Variants in LTBR observed in about 807,000 individuals in gnomAD.
The protein encoded by LTBR is lymphotoxin beta receptor, also known as tumor necrosis factor receptor superfamily member 3.
LTBR carries 15 observed loss-of-function variants against 45.4 expected under a neutral mutation model. That is an observed-to-expected ratio of 0.33 (90% confidence interval 0.22 to 0.51). The LOEUF is 0.51. Ranked by LOEUF, LTBR falls within the 20% of genes least tolerant of loss-of-function variation. The pLI is 0.97. For missense variants in LTBR, 450 were observed against 565.5 expected (o/e 0.80, Z 2.07); for synonymous variants, 228 against 231.0 (o/e 0.99, Z 0.12).
At position 6,375,869 on chromosome 12, in the gene LTBR, G is replaced by A. The variant is rs2071244; in HGVS notation, c.39+275G>A. ...GCTGAGAGGGCCTGGGTGGGGAACC[G>A]GGAGGACAGGAGGGCAGAAAGAGGG... is the stretch of plus-strand genomic sequence containing the variant. On this transcript the variant is annotated intron_variant, in intron 1 of 9. Transcript: ENST00000539925. 1.2e-5 allele frequency: 16 copies of A among 1,293,594 alleles called. 1 individual carries two copies. The highest frequency in any genetic ancestry group is 5.7e-4 in the Middle Eastern group (2 of 3,490). The allele number at this position is 1,293,594 out of a possible 1,614,324, so 80.1% of individuals were successfully genotyped here.
chr12:6,386,360 G>A lies in LTBR; in HGVS notation c.583G>A (p.Gly195Ser). The change falls in exon 6 of 10, where the codon GGT (glycine) becomes AGT (serine). Residue 195 changes from glycine to serine, a missense_variant. Gly to Ser is a moderately conservative substitution (Grantham distance 56). Transcript: ENST00000228918. The surrounding 1 kb of genome is among the most constrained non-coding windows in gnomAD (Gnocchi z 4.1). ...CQPHTRCENQGLVEAAPGTAQ... is the reference protein window; with the variant it reads ...CQPHTRCENQSLVEAAPGTAQ... ...TTTCCTCTGCAGGTGTGAGAACCAA[G>A]GTCTGGTGGAGGCAGCTCCAGGCAC... 1 of 1,613,932 alleles carries A rather than the reference G, an allele frequency of 6.2e-7. No homozygotes were observed. Among genetic ancestry groups the A allele is most frequent in the Non-Finnish European group, 8.5e-7 (1 of 1,179,946 alleles).
intron 4 of LTBR, chr12:6,385,865 A>T (rs1233893434): frequency 2.1e-6 from 1 of 471,420 alleles, no homozygotes; most frequent in Non-Finnish European, 3.7e-6. Context: ...AGATCGCGCC[A>T]CTGCACTCCA....
upstream of LTBR, among the ~76,000 whole-genome samples, chr12:6,381,765 G>A (rs1197101794): frequency 6.6e-6 from 1 of 152,198 alleles, no homozygotes; most frequent in Non-Finnish European, 1.5e-5. Flanking sequence ...ACAACATCAG[G>A]AGTTCAAGAC....
At chr12:6,376,171 G>A (rs976655282) in intron 1 of LTBR, 2 of 985,558 alleles carry the variant, frequency 2.0e-6, no homozygotes, top group Non-Finnish European at 1.2e-6. Context: ...TCTCCTCCCC[G>A]CTCACTAAGT....
upstream of LTBR, among the ~76,000 whole-genome samples, chr12:6,382,751 G>C (rs550665649): frequency 5.2e-4 from 79 of 152,326 alleles, no homozygotes; most frequent in African/African-American, 1.8e-3. Flanking sequence ...CCAGACATCA[G>C]ACCTGAAGTT....
chr12:6,381,375 C>T (rs576603854), upstream of LTBR, among the ~76,000 whole-genome samples: 1 of 152,288 alleles, frequency 6.6e-6, no homozygotes, highest in Non-Finnish European at 1.5e-5. Context: ...AGAGAAATAG[C>T]CTGGCTGCTT....
At chr12:6,380,416 C>T (rs1036344933), upstream of LTBR, among the ~76,000 whole-genome samples, 3 of 152,136 alleles carry the variant, frequency 2.0e-5, no homozygotes, top group African/African-American at 2.4e-5. Context: ...TACAGTGGCT[C>T]GTGCCTGTAA....
At chr12:6,381,803 T>C (rs967786940), upstream of LTBR, among the ~76,000 whole-genome samples, 157 of 152,098 alleles carry the variant, frequency 1.0e-3, 1 homozygote, top group African/African-American at 3.6e-3. Flanking sequence ...CGAAACCCCA[T>C]CTCTACTAAA....
chr12:6,386,007 G>T lies in LTBR; in HGVS notation c.473-59G>T. On this transcript the variant is annotated intron_variant, in intron 4 of 9. Transcript: ENST00000228918. The surrounding 1 kb of genome is among the most constrained non-coding windows in gnomAD (Gnocchi z 4.1). The stretch of plus-strand genomic sequence containing the variant: ...GAGGCTTAAAGGAAACTCACAGGCC[G>T]GCAAAGGGCCCCTCCCTTTTGCCCA... 4 of 1,228,536 alleles carry T rather than the reference G, an allele frequency of 3.3e-6. No individual in the cohort carries two copies. Among genetic ancestry groups the T allele is most frequent in the East Asian group, 2.3e-5 (1 of 42,904 alleles). 76.1% of individuals were successfully genotyped at this position (1,228,536 alleles called of 1,614,324 possible).
rs563823146 is a variant in LTBR at position 6,377,470 on chromosome 12, G to A, written c.39+1876G>A. 1.5e-4 allele frequency: 100 copies of A among 654,000 alleles called. No homozygotes were observed. In the East Asian group the frequency reaches 2.5e-3, roughly 16 times the overall value. The allele number at this position is 654,000 out of a possible 1,614,324, so 40.5% of individuals were successfully genotyped here. On this transcript the variant is annotated intron_variant, in intron 1 of 9. Coordinates refer to the LTBR transcript ENST00000539925. Reference sequence around the variant, plus strand: ...TACTTCCTGAGACAGACTCATGGGGGATCGGGGCTCAGGTGCACCTGGATG... The same window carrying A: ...TACTTCCTGAGACAGACTCATGGGGAATCGGGGCTCAGGTGCACCTGGATG...
At chr12:6,390,059 A>G in intron 8 of LTBR, 53 bp from the exon 9 acceptor site, 1 of 1,186,740 alleles carries the variant, frequency 8.4e-7, no homozygotes. Context: ...GGGAGAGAGA[A>G]AAAAGGGTCT....
At chr12:6,384,040 C>A, upstream of LTBR, 1 of 1,194,050 alleles carries the variant, frequency 8.4e-7, no homozygotes, top group Non-Finnish European at 1.0e-6. Context: ...CGTGCTTTCC[C>A]GGCCGCCCCT....
upstream of LTBR, among the ~76,000 whole-genome samples, chr12:6,382,139 C>A (rs920335829): frequency 1.3e-5 from 2 of 152,050 alleles, no homozygotes; most frequent in African/African-American, 4.8e-5. Flanking sequence ...AGGGTCTCAG[C>A]AGCATAAGAC....
intron 8 of LTBR, chr12:6,389,071 C>T (rs1190168831): frequency 1.9e-5 from 9 of 474,008 alleles, no homozygotes; most frequent in African/African-American, 1.6e-4. Context: ...AACTATATAT[C>T]AGGTGGTATA....
At chr12:6,375,319 C>G, upstream of LTBR, 1 of 1,441,854 alleles carries the variant, frequency 6.9e-7, no homozygotes, top group Non-Finnish European at 9.0e-7. Context: ...CCCCCTCTCA[C>G]TCTAGGCCCT....
At position 6,390,810 on chromosome 12, in the gene LTBR, C is replaced by T. The variant is rs142824360; in HGVS notation, c.1181C>T (p.Pro394Leu). 4.3e-5 allele frequency: 70 copies of T among 1,611,434 alleles called. No individual in the cohort carries two copies. The highest frequency in any genetic ancestry group is 3.9e-4 in the African/African-American group (29 of 74,936). The change falls in exon 10 of 10, where the codon CCT (proline) becomes CTT (leucine). Residue 394 changes from proline to leucine, a missense_variant. This residue lies in a region of LTBR where 71 missense variants were observed against 90.4 expected (regional missense o/e 0.79). Coordinates refer to ENST00000228918, the MANE Select transcript of LTBR (RefSeq NM_002342.3). Reference protein sequence around the residue: ...PPYPIPEEGDPGPPGLSTPHQ... With the variant: ...PPYPIPEEGDLGPPGLSTPHQ... Reference sequence around the variant, plus strand: ...TACCCCATTCCCGAAGAGGGGGACCCTGGCCCTCCCGGGCTCTCTACACCC... The same window carrying T: ...TACCCCATTCCCGAAGAGGGGGACCTTGGCCCTCCCGGGCTCTCTACACCC...
upstream of LTBR, among the ~76,000 whole-genome samples, chr12:6,380,623 G>A (rs1257991368): frequency 1.3e-5 from 2 of 151,826 alleles, no homozygotes; most frequent in East Asian, 1.9e-4. Flanking sequence ...CTGGGAGGCG[G>A]AGGTTGCAGT....
chr12:6,387,447 T>A (rs1380789833), intron 6 of LTBR: 1 of 152,598 alleles, frequency 6.6e-6, no homozygotes, highest in Non-Finnish European at 1.5e-5. Context: ...TTAGAGAGTA[T>A]GTAAGCTAAC....
chr12:6,375,376 CT>C, upstream of LTBR: 1 of 1,471,318 alleles, frequency 6.8e-7, no homozygotes, highest in Non-Finnish European at 9.0e-7. Flanking sequence ...CTGATTCTGT[CT>C]CTGCCCCAGG....
Sources: allele counts gnomAD v4.1 joint callset (sites outside exome capture counted in the v4.1 genomes callset), GRCh38; gene constraint gnomAD v4.1.1; regional missense constraint gnomAD v4.1.1; non-coding constraint Gnocchi (gnomAD v3.1); transcripts MANE v1.5; gene names NCBI Gene and HGNC (gene_info 2026-07-23, HGNC 2026-07-21).